The following NCOA6 variants were observed in gnomAD, a reference collection of about 807,000 sequenced individuals.
NCOA6 encodes the protein nuclear receptor coactivator 6.
A neutral mutation model predicts 171.4 loss-of-function variants in NCOA6; 49 were observed. That is an observed-to-expected ratio of 0.29 (90% CI 0.23 to 0.36). The LOEUF (loss-of-function observed/expected upper bound fraction) is 0.36. NCOA6 is among the 10% of genes least tolerant of loss of function. The pLI, the probability that NCOA6 is intolerant of heterozygous loss-of-function variation, is 1.00. For synonymous variants in NCOA6, 910 were observed against 927.5 expected (o/e 0.98, Z 0.34); for missense variants, 2,248 against 2,554.5 (o/e 0.88, Z 2.59).
chr20:34,718,619 C>T (rs1385143512), intron 14 of NCOA6, among the ~76,000 whole-genome samples: 2 of 152,054 alleles, frequency 1.3e-5, no homozygotes, highest in African/African-American at 4.8e-5. Context: ...AATTCTCCTG[C>T]CTCAGCCTCC....
At chr20:34,718,386 A>G (rs543093611) in intron 14 of NCOA6, among the ~76,000 whole-genome samples, 5 of 152,178 alleles carry the variant, frequency 3.3e-5, no homozygotes, top group African/African-American at 9.6e-5. Flanking sequence ...TCTGAAAAAA[A>G]CATCTTTTGA....
At chr20:34,817,461 T>C (rs933409536) in intron 1 of NCOA6, among the ~76,000 whole-genome samples, 3 of 151,996 alleles carry the variant, frequency 2.0e-5, no homozygotes, top group Non-Finnish European at 4.4e-5. Flanking sequence ...TTTATAGAGA[T>C]TGTATATCAA....
intron 8 of NCOA6, among the ~76,000 whole-genome samples, chr20:34,753,048 C>CTT (rs202176089): frequency 6.9e-6 from 1 of 145,168 alleles, no homozygotes; most frequent in Non-Finnish European, 1.5e-5. Context: ...TTAAAACATA[C>CTT]TTTTTTTTTT....
chr20:34,741,459 TAC>T lies in NCOA6; in HGVS notation c.4795_4796del (p.Val1599IlefsTer12), dbSNP rs770872136. On this transcript the variant is annotated frameshift_variant, in exon 11 of 15. Transcript: ENST00000359003. LOFTEE classifies it high-confidence loss of function. ...TTGTGATGGGATTGGAAGTGACAAA[TAC>T]AGTTATTTGATTTGGGGGCAAGGGA... is the stretch of plus-strand genomic sequence containing the variant. ...STPLPPNQIT[V>X]FVTSNPITTS... 6.2e-7 allele frequency: 1 copy of T among 1,614,096 alleles called. No homozygotes were observed. The highest frequency in any genetic ancestry group is 8.5e-7 in the Non-Finnish European group (1 of 1,180,006).
intron 12 of NCOA6, among the ~76,000 whole-genome samples, chr20:34,733,167 G>A (rs1282380632): frequency 6.6e-5 from 10 of 152,114 alleles, no homozygotes; most frequent in Non-Finnish European, 1.3e-4. Flanking sequence ...TGTCTAGCAG[G>A]GTTTTCCATC....
intron 1 of NCOA6, among the ~76,000 whole-genome samples, chr20:34,795,603 G>A (rs913449516): frequency 2.6e-5 from 4 of 152,080 alleles, no homozygotes; most frequent in South Asian, 2.1e-4. Flanking sequence ...AATCTTGGGG[G>A]AAAAAATAGG....
In NCOA6 at chr20:34,715,238, A is replaced by G; in HGVS notation, c.*84T>C. ...TATTAAAATTACTAACTGTACAGAAATTGATTTAAAAAAGTCACAGCTCAA... is the reference window on the plus strand; with the variant it reads ...TATTAAAATTACTAACTGTACAGAAGTTGATTTAAAAAAGTCACAGCTCAA... On this transcript the variant is annotated 3_prime_UTR_variant, in exon 15 of 15. Coordinates refer to ENST00000359003, the MANE Select transcript of NCOA6 (RefSeq NM_014071.5). 1.9e-6 allele frequency: 3 copies of G among 1,573,162 alleles called. No homozygotes were observed. The highest frequency in any genetic ancestry group is 2.6e-6 in the Non-Finnish European group (3 of 1,144,634).
chr20:34,811,515 CAT>C (rs1332487555), intron 1 of NCOA6, among the ~76,000 whole-genome samples: 1 of 151,950 alleles, frequency 6.6e-6, no homozygotes. Context: ...ATTTACAGAA[CAT>C]GAGTTATTTT....
At chr20:34,806,448 C>T (rs2078454488) in intron 1 of NCOA6, among the ~76,000 whole-genome samples, 1 of 152,094 alleles carries the variant, frequency 6.6e-6, no homozygotes, top group South Asian at 2.1e-4. Flanking sequence ...GTTGCCTGTG[C>T]TTTTAAGGTC....
intron 4 of NCOA6, 111 bp downstream of exon 4, chr20:34,776,182 G>T: frequency 2.2e-6 from 3 of 1,367,030 alleles, no homozygotes; most frequent in Non-Finnish European, 3.0e-6. Flanking sequence ...GAGTTGCTTG[G>T]CATTCTGAAA....
intron 2 of NCOA6, among the ~76,000 whole-genome samples, chr20:34,791,171 A>C (rs955481390): frequency 1.3e-5 from 2 of 152,200 alleles, no homozygotes; most frequent in Non-Finnish European, 2.9e-5. Flanking sequence ...AAAATGGCTA[A>C]TTTATGTTAC....
At chr20:34,752,964 T>C (rs555526189) in intron 8 of NCOA6, among the ~76,000 whole-genome samples, 2 of 147,298 alleles carry the variant, frequency 1.4e-5, no homozygotes, top group Admixed American at 6.7e-5. Flanking sequence ...AACATGTACA[T>C]GTGGAAGGTA....
intron 1 of NCOA6, among the ~76,000 whole-genome samples, chr20:34,800,729 C>A (rs1010116689): frequency 6.6e-6 from 1 of 152,002 alleles, no homozygotes; most frequent in African/African-American, 2.4e-5. Context: ...ATTATTAGAG[C>A]CAAAGAGAAA....
intron 14 of NCOA6, among the ~76,000 whole-genome samples, chr20:34,725,937 G>A (rs948147583): frequency 7.9e-5 from 12 of 152,152 alleles, no homozygotes; most frequent in Admixed American, 2.0e-4. Flanking sequence ...GTGAAAGGCT[G>A]TTACTAAAGA....
intron 1 of NCOA6, among the ~76,000 whole-genome samples, chr20:34,821,998 T>G (rs1048921234): frequency 2.0e-5 from 3 of 152,124 alleles, no homozygotes; most frequent in Admixed American, 6.6e-5. Flanking sequence ...AAATTCTAAC[T>G]CCACTCAATG....
chr20:34,763,833 T>G (rs1218298262), intron 5 of NCOA6, among the ~76,000 whole-genome samples: 1 of 152,084 alleles, frequency 6.6e-6, no homozygotes, highest in African/African-American at 2.4e-5. Flanking sequence ...AGTGACATTT[T>G]CCTAATCTAT....
rs368894896 is a variant in NCOA6 at position 34,776,209 on chromosome 20, C to T, written c.391+84G>A. The T allele has an allele frequency of 1.1e-5, 16 of 1,498,564 alleles. 1 individual carries two copies. The African/African-American group carries it at 2.2e-4, about 21-fold the overall frequency. 92.8% of individuals were successfully genotyped at this position (1,498,564 alleles called of 1,614,324 possible). ...ATTCTGAAACACAAGAGCAGAGGAA[C>T]AGACAAAGCAGCACAGAAAATCATG... is the stretch of plus-strand genomic sequence containing the variant. On this transcript the variant is annotated intron_variant, in intron 4 of 14. Transcript: ENST00000359003.
intron 14 of NCOA6, among the ~76,000 whole-genome samples, chr20:34,722,014 C>T (rs148871579): frequency 2.0e-4 from 27 of 134,038 alleles, no homozygotes; most frequent in African/African-American, 7.7e-4. Context: ...ATGATAGTGC[C>T]ATTGCACTCT....
chr20:34,788,315 C>CGG (rs2077753213), intron 2 of NCOA6, among the ~76,000 whole-genome samples: 2 of 152,158 alleles, frequency 1.3e-5, no homozygotes, highest in African/African-American at 4.8e-5. Context: ...CCACCCGCCT[C>CGG]GGCCTCCCAA....
Sources: gnomAD v4.1 joint callset for allele counts (sites outside exome capture counted in the v4.1 genomes callset) on GRCh38, gnomAD v4.1.1 for gene constraint, MANE v1.5 for transcripts, NCBI Gene and HGNC (gene_info 2026-07-23, HGNC 2026-07-21) for gene names.